The following MICAL2 variants were observed in gnomAD, a reference collection of about 807,000 sequenced individuals.
The protein encoded by MICAL2 is [F-actin]-monooxygenase MICAL2.
A neutral mutation model predicts 127.3 loss-of-function variants in MICAL2; 77 were observed. The ratio of observed to expected loss-of-function variants is 0.60; its 90% confidence interval spans 0.50 to 0.73. The LOEUF is 0.73. Among genes scored for constraint, MICAL2 ranks in the 30% least tolerant of loss-of-function variants. MICAL2 has a pLI of 0.00. For synonymous variants in MICAL2, 570 were observed against 551.1 expected (o/e 1.03, Z -0.48); for missense variants, 1,351 against 1,434.4 (o/e 0.94, Z 0.94).
At chr11:12,342,279 C>T (rs1938879305) in intron 32 of MICAL2, among the ~76,000 whole-genome samples, 1 of 152,216 alleles carries the variant, frequency 6.6e-6, no homozygotes, top group Admixed American at 6.5e-5. Flanking sequence ...TTCCATGCAC[C>T]AGCAGCTATG....
chr11:12,204,561 C>A, intron 4 of MICAL2, 104 bp downstream of exon 4: 1 of 1,131,440 alleles, frequency 8.8e-7, no homozygotes, highest in South Asian at 1.4e-5. Context: ...ATCTTAGTCC[C>A]TGGGGGCACC....
chr11:12,150,515 G>A (rs181561056), intron 2 of MICAL2, among the ~76,000 whole-genome samples: 111 of 152,306 alleles, frequency 7.3e-4, no homozygotes, highest in Non-Finnish European at 1.3e-3. Context: ...TGGGTTGCGA[G>A]CTGCTCTGGG....
intron 22 of MICAL2, chr11:12,253,040 A>AAG (rs1156769316): frequency 6.6e-6 from 1 of 152,184 alleles, no homozygotes; most frequent in Non-Finnish European, 1.5e-5. Flanking sequence ...CTCCCACAAG[A>AAG]AGAGACTGCA....
intron 30 of MICAL2, among the ~76,000 whole-genome samples, chr11:12,322,550 C>T (rs76008266): frequency 0.042 from 6,323 of 152,126 alleles, 169 homozygotes; most frequent in East Asian, 0.12. Flanking sequence ...AAGCTAGCTA[C>T]GACAATTTTT....
chr11:12,262,553 G>C lies in MICAL2; in HGVS notation c.*17+16G>C, dbSNP rs1863275791. On this transcript the variant is annotated intron_variant, in intron 27 of 27. Transcript: ENST00000683283. The stretch of plus-strand genomic sequence containing the variant: ...CTGCTCTAAGGTGACTGGTTTTCTT[G>C]CCAATTTTCAAAGAGTGGTACTAAC... 3.1e-6 allele frequency: 5 copies of C among 1,603,966 alleles called. No individual in the cohort carries two copies. The East Asian group carries it at 1.1e-4, about 36-fold the overall frequency.
At chr11:12,130,786 G>A (rs1851350125) in intron 1 of MICAL2, among the ~76,000 whole-genome samples, 1 of 151,790 alleles carries the variant, frequency 6.6e-6, no homozygotes, top group Non-Finnish European at 1.5e-5. Context: ...TGGCACCCCA[G>A]CACTTGGGCT....
intron 12 of MICAL2, among the ~76,000 whole-genome samples, 187 bp downstream of exon 12, chr11:12,223,688 C>T (rs1857085639): frequency 6.6e-6 from 1 of 152,194 alleles, no homozygotes; most frequent in Non-Finnish European, 1.5e-5. Flanking sequence ...AAGAGAACCC[C>T]TGCCCAGAGA....
intron 3 of MICAL2, among the ~76,000 whole-genome samples, chr11:12,189,914 G>A (rs1457237125): frequency 6.6e-6 from 1 of 152,224 alleles, no homozygotes; most frequent in Non-Finnish European, 1.5e-5. Flanking sequence ...AACATAACAT[G>A]TTCTTTGGCA....
intron 3 of MICAL2, among the ~76,000 whole-genome samples, chr11:12,196,647 C>T (rs1859973273): frequency 6.6e-6 from 1 of 152,154 alleles, no homozygotes; most frequent in Non-Finnish European, 1.5e-5. Flanking sequence ...AGTTTCTTTT[C>T]TCTCTTCTTA....
chr11:12,165,679 G>A (rs1053113735), intron 3 of MICAL2, among the ~76,000 whole-genome samples: 1 of 152,258 alleles, frequency 6.6e-6, no homozygotes, highest in Non-Finnish European at 1.5e-5. Flanking sequence ...CATATGCTGA[G>A]CACCATGCTC....
At chr11:12,206,718 A>C (rs1394339345) in intron 4 of MICAL2, among the ~76,000 whole-genome samples, 4 of 152,182 alleles carry the variant, frequency 2.6e-5, no homozygotes, top group Admixed American at 6.5e-5. Context: ...CATTCCTAGC[A>C]GATGGCCTCC....
At chr11:12,198,493 G>T (rs938425358) in intron 3 of MICAL2, among the ~76,000 whole-genome samples, 2 of 152,118 alleles carry the variant, frequency 1.3e-5, no homozygotes, top group Non-Finnish European at 2.9e-5. Flanking sequence ...TCCATCCTGC[G>T]ATTCTGAACC....
chr11:12,179,591 A>G, intron 3 of MICAL2, among the ~76,000 whole-genome samples: 1 of 152,114 alleles, frequency 6.6e-6, no homozygotes, highest in East Asian at 1.9e-4. Context: ...CTGCCTCCCA[A>G]GGGCTTCCTT....
chr11:12,270,845 C>G (rs1294721923), intron 24 of MICAL2, among the ~76,000 whole-genome samples: 2 of 152,184 alleles, frequency 1.3e-5, no homozygotes, highest in Non-Finnish European at 2.9e-5. Context: ...ACACAGGAGG[C>G]CTGTTGCGTT....
At chr11:12,215,550 C>T (rs1043579871) in intron 7 of MICAL2, among the ~76,000 whole-genome samples, 4 of 152,224 alleles carry the variant, frequency 2.6e-5, no homozygotes, top group African/African-American at 9.7e-5. Flanking sequence ...ATTTGCATTG[C>T]TAGTATGTCC....
At position 12,226,455 on chromosome 11, in the gene MICAL2, G is replaced by T; in HGVS notation, c.1888+85G>T. 2.2e-6 allele frequency: 3 copies of T among 1,382,310 alleles called. No individual in the cohort carries two copies. The South Asian group carries it at 3.8e-5, about 17-fold the overall frequency. 85.6% of individuals were successfully genotyped at this position (1,382,310 alleles called of 1,614,324 possible). ...AGTCTGGCTGCTCCTAACACTGTATGGTCTGTTCTGGGGCTGCCCAGTGTG... is the reference window on the plus strand; with the variant it reads ...AGTCTGGCTGCTCCTAACACTGTATTGTCTGTTCTGGGGCTGCCCAGTGTG... On this transcript the variant is annotated intron_variant, in intron 14 of 27. Coordinates refer to ENST00000683283, the MANE Select transcript of MICAL2 (RefSeq NM_001282663.2).
At chr11:12,305,005 G>T (rs1187781344) in intron 29 of MICAL2, among the ~76,000 whole-genome samples, 3 of 152,072 alleles carry the variant, frequency 2.0e-5, no homozygotes, top group Non-Finnish European at 4.4e-5. Context: ...AGATAAATTT[G>T]GGGAGAATTA....
intron 8 of MICAL2, among the ~76,000 whole-genome samples, chr11:12,218,982 G>T (rs971491664): frequency 6.6e-6 from 1 of 152,190 alleles, no homozygotes; most frequent in Admixed American, 6.5e-5. Flanking sequence ...TAGGGATTTC[G>T]TGTGTACACT....
intron 11 of MICAL2, 22 bp from the exon 12 acceptor site, chr11:12,223,389 A>G (rs899004962): frequency 6.2e-7 from 1 of 1,606,544 alleles, no homozygotes; most frequent in African/African-American, 1.3e-5. Flanking sequence ...CTGGTGGGCA[A>G]GCATGTCTCT....
Sources: allele counts gnomAD v4.1 joint callset (sites outside exome capture counted in the v4.1 genomes callset), GRCh38; gene constraint gnomAD v4.1.1; transcripts MANE v1.5; gene names NCBI Gene and HGNC (gene_info 2026-07-23, HGNC 2026-07-21).